The following RBM27 variants were observed in gnomAD, a reference collection of about 807,000 sequenced individuals.
RBM27 encodes RNA binding motif protein 27.
RBM27 carries 22 observed loss-of-function variants against 135.3 expected under a neutral mutation model. That is an observed-to-expected ratio of 0.16 (90% CI 0.12 to 0.23). The LOEUF is 0.23. RBM27 is among the 10% of genes least tolerant of loss of function. The pLI is 1.00. For synonymous variants in RBM27, 481 were observed against 442.4 expected, an observed-to-expected ratio of 1.09 and a Z score of -1.10; for missense variants, 1,009 against 1,281.0, an observed-to-expected ratio of 0.79 and a Z score of 3.24.
rs758250231 is a variant in RBM27 at position 146,269,449 on chromosome 5, A to G, written c.2556A>G (p.Lys852=). The change falls in exon 17 of 21, where the codon AAA becomes AAG. Residue 852 remains lysine (K), a synonymous_variant. Transcript: ENST00000265271. The part of the protein sequence containing the change: ...KMLISKLEKN[K]NMKPEERANI... ...TAATATCCAAGTTAGAAAAAAACAA[A>G]AACATGAAACCAGAAGAAAGAGCAA... 1 of 1,564,888 alleles carries G rather than the reference A, an allele frequency of 6.4e-7. No individual in the cohort carries two copies. Among genetic ancestry groups the G allele is most frequent in the East Asian group, 2.3e-5 (1 of 44,236 alleles).
chr5:146,281,957 A>G (rs887526925), intron 19 of RBM27, among the ~76,000 whole-genome samples: 1 of 148,612 alleles, frequency 6.7e-6, no homozygotes, highest in African/African-American at 2.5e-5. Flanking sequence ...CATTTTTATT[A>G]CTATATAATA....
At chr5:146,274,099 C>T (rs960048260) in intron 19 of RBM27, among the ~76,000 whole-genome samples, 1 of 152,160 alleles carries the variant, frequency 6.6e-6, no homozygotes, top group Non-Finnish European at 1.5e-5. Flanking sequence ...ATTATCCTGC[C>T]TCAGCCTCCT....
intron 15 of RBM27, 44 bp downstream of exon 15, chr5:146,267,812 T>G: frequency 6.3e-7 from 1 of 1,582,708 alleles, no homozygotes; most frequent in Non-Finnish European, 8.6e-7. Context: ...AAAAGATGCC[T>G]TGAATTTTTA....
chr5:146,272,235 T>C (rs1377987897), intron 19 of RBM27, among the ~76,000 whole-genome samples: 1 of 152,236 alleles, frequency 6.6e-6, no homozygotes, highest in Non-Finnish European at 1.5e-5. Context: ...ACTGTATAAA[T>C]GTGAAATACA....
intron 8 of RBM27, among the ~76,000 whole-genome samples, chr5:146,240,550 C>T (rs879398441): frequency 2.0e-5 from 3 of 152,206 alleles, no homozygotes; most frequent in Non-Finnish European, 2.9e-5. Context: ...TGGTCTCGAA[C>T]TCCTGACCTC....
intron 18 of RBM27, 139 bp from the exon 19 acceptor site, chr5:146,271,344 G>A (rs1426496723): frequency 3.9e-6 from 3 of 775,432 alleles, no homozygotes; most frequent in Non-Finnish European, 4.0e-6. Flanking sequence ...AGGTTGCAGT[G>A]AGCCGAGATC....
chr5:146,241,705 C>T (rs539874624), intron 8 of RBM27, among the ~76,000 whole-genome samples: 4 of 152,106 alleles, frequency 2.6e-5, no homozygotes, highest in African/African-American at 7.2e-5. Flanking sequence ...GTTATCCGCC[C>T]GCCTCGGCTT....
At chr5:146,271,718 CTCA>C (rs1332777397) in intron 19 of RBM27, 44 bp downstream of exon 19, 8 of 1,518,356 alleles carry the variant, frequency 5.3e-6, no homozygotes, top group Non-Finnish European at 3.6e-6. Flanking sequence ...AAACACTGTG[CTCA>C]TCATTTTCCT....
chr5:146,280,715 G>T (rs917018574), intron 19 of RBM27, among the ~76,000 whole-genome samples: 1 of 152,062 alleles, frequency 6.6e-6, no homozygotes, highest in Non-Finnish European at 1.5e-5. Context: ...GTGTTTTGTG[G>T]TCATTCTCAG....
At chr5:146,256,655 C>G (rs928166730) in intron 10 of RBM27, among the ~76,000 whole-genome samples, 9 of 152,026 alleles carry the variant, frequency 5.9e-5, no homozygotes, top group African/African-American at 1.9e-4. Flanking sequence ...CACCCAGCCT[C>G]ATATATATTA....
chr5:146,217,893 G>T (rs1158094638), intron 1 of RBM27, among the ~76,000 whole-genome samples: 1 of 151,950 alleles, frequency 6.6e-6, no homozygotes, highest in Non-Finnish European at 1.5e-5. Flanking sequence ...GAGTAGCTGG[G>T]ATTACAGACG....
In RBM27 at chr5:146,286,047, T is replaced by C; in HGVS notation, c.*17T>C. On this transcript the variant is annotated 3_prime_UTR_variant, in exon 21 of 21. Coordinates refer to ENST00000265271, the MANE Select transcript of RBM27 (RefSeq NM_018989.2). ...CGAAGATGAAATCTGATGCTAGCTG[T>C]ATAATTTTTAGGAATATTGTTTAGA... The C allele has an allele frequency of 6.3e-7, 1 of 1,579,160 alleles. No individual in the cohort carries two copies. Among genetic ancestry groups the C allele is most frequent in the South Asian group, 1.2e-5 (1 of 85,348 alleles).
At chr5:146,280,686 C>A (rs1033240127) in intron 19 of RBM27, among the ~76,000 whole-genome samples, 1 of 152,038 alleles carries the variant, frequency 6.6e-6, no homozygotes, top group African/African-American at 2.4e-5. Context: ...TATTTGTAAC[C>A]CCAAAATCAA....
chr5:146,279,936 CAT>C (rs1257809725), intron 19 of RBM27, among the ~76,000 whole-genome samples: 3 of 151,410 alleles, frequency 2.0e-5, no homozygotes, highest in Middle Eastern at 3.2e-3. Flanking sequence ...TGTAAGAAAA[CAT>C]ATATAAAGCT....
chr5:146,213,629 T>C (rs1186749481), intron 1 of RBM27, among the ~76,000 whole-genome samples: 1 of 152,152 alleles, frequency 6.6e-6, no homozygotes, highest in Admixed American at 6.5e-5. Flanking sequence ...ATGGTAATGG[T>C]TTTTCAGTAG....
chr5:146,212,822 T>C (rs1581136558), intron 1 of RBM27, among the ~76,000 whole-genome samples: 1 of 151,924 alleles, frequency 6.6e-6, no homozygotes, highest in Non-Finnish European at 1.5e-5. Flanking sequence ...CAAGCGATTC[T>C]CCTGCCTCAG....
At chr5:146,203,853 G>C (rs1189582428) in intron 1 of RBM27, 29 bp downstream of exon 1, 1 of 1,521,754 alleles carries the variant, frequency 6.6e-7, no homozygotes, top group Non-Finnish European at 8.8e-7. Context: ...GCCGGGGCCG[G>C]CGAACGTGGG....
chr5:146,258,446 C>A lies in RBM27; in HGVS notation c.1595-3C>A. On this transcript the variant is annotated splice_polypyrimidine_tract_variant and splice_region_variant and intron_variant, in intron 10 of 20. Coordinates refer to ENST00000265271, the MANE Select transcript of RBM27 (RefSeq NM_018989.2). ...CAGTAATTTCAATTTTTTTTTCCAACAGCTGCTAACATTGTGATCCAGACT... is the reference window on the plus strand; with the variant it reads ...CAGTAATTTCAATTTTTTTTTCCAAAAGCTGCTAACATTGTGATCCAGACT... The A allele has an allele frequency of 6.5e-7, 1 of 1,531,686 alleles. No individual in the cohort carries two copies. Among genetic ancestry groups the A allele is most frequent in the Non-Finnish European group, 8.8e-7 (1 of 1,141,948 alleles). 94.9% of individuals were successfully genotyped at this position (1,531,686 alleles called of 1,614,324 possible). A position where few individuals can be genotyped will look rare whatever the true frequency, so the allele number is the denominator to read the frequency against.
intron 8 of RBM27, among the ~76,000 whole-genome samples, 194 bp downstream of exon 8, chr5:146,237,626 A>G (rs1757226946): frequency 6.6e-6 from 1 of 152,118 alleles, no homozygotes; most frequent in African/African-American, 2.4e-5. Context: ...GATATGGGAG[A>G]GAAAGGCAAG....
Sources: gnomAD v4.1 joint callset for allele counts (sites outside exome capture counted in the v4.1 genomes callset) on GRCh38, gnomAD v4.1.1 for gene constraint, MANE v1.5 for transcripts, NCBI Gene and HGNC (gene_info 2026-07-23, HGNC 2026-07-21) for gene names.